Variants in PCDH7 observed in about 807,000 individuals in gnomAD.
The protein encoded by PCDH7 is protocadherin-7.
PCDH7 carries 17 observed loss-of-function variants against 58.9 expected under a neutral mutation model. The observed-to-expected ratio is 0.29, with a 90% CI of 0.20 to 0.43. PCDH7 has a LOEUF of 0.43. Among genes scored for constraint, PCDH7 ranks in the 20% least tolerant of loss-of-function variants. The probability of loss-of-function intolerance (pLI) is 1.00; values close to 1 mark genes in which losing one functional copy is unlikely to be tolerated. For synonymous variants in PCDH7, 664 were observed against 616.4 expected (o/e 1.08, Z -1.14); for missense variants, 1,274 against 1,441.0 (o/e 0.88, Z 1.88).
intron 1 of PCDH7, among the ~76,000 whole-genome samples, chr4:30,762,640 A>G (rs1024038353): frequency 6.6e-6 from 1 of 152,204 alleles, no homozygotes; most frequent in Non-Finnish European, 1.5e-5. Flanking sequence ...AGGATTTTCA[A>G]AGACCAAAGA....
At chr4:30,882,244 C>T (rs1737072350) in intron 1 of PCDH7, among the ~76,000 whole-genome samples, 1 of 151,376 alleles carries the variant, frequency 6.6e-6, no homozygotes, top group South Asian at 2.1e-4. Context: ...TCTTCTTCTT[C>T]ATCTTTGTCT....
chr4:30,996,304 G>A (rs1751895693), intron 3 of PCDH7, among the ~76,000 whole-genome samples: 1 of 151,960 alleles, frequency 6.6e-6, no homozygotes, highest in South Asian at 2.1e-4. Flanking sequence ...TTCTAACTAG[G>A]GCAAAACCCC....
chr4:30,887,883 T>C (rs199925130), intron 1 of PCDH7, among the ~76,000 whole-genome samples: 10 of 146,342 alleles, frequency 6.8e-5, no homozygotes, highest in Non-Finnish European at 4.6e-5. Flanking sequence ...TTTTTTTTTT[T>C]CTTTTTTTTG....
chr4:30,973,504 C>T (rs1460557990), intron 3 of PCDH7, among the ~76,000 whole-genome samples: 3 of 152,018 alleles, frequency 2.0e-5, no homozygotes, highest in Non-Finnish European at 4.4e-5. Context: ...TATTTACATT[C>T]GAGGAAGAAG....
chr4:31,144,782 T>C (rs147133172), downstream of PCDH7: 106 of 152,210 alleles, frequency 7.0e-4, no homozygotes, highest in African/African-American at 2.5e-3. Context: ...GTATAATAGG[T>C]AGGATGCAAA....
At chr4:30,908,598 C>T (rs1264918102) in intron 1 of PCDH7, among the ~76,000 whole-genome samples, 1 of 152,072 alleles carries the variant, frequency 6.6e-6, no homozygotes, top group Admixed American at 6.6e-5. Context: ...AAGTTGAATC[C>T]CTGAATAGAC....
At chr4:31,068,552 CA>C (rs1758282121) in intron 3 of PCDH7, among the ~76,000 whole-genome samples, 1 of 151,992 alleles carries the variant, frequency 6.6e-6, no homozygotes, top group Non-Finnish European at 1.5e-5. Context: ...TATTCTGCTG[CA>C]GAGTAAATTG....
At chr4:30,980,780 T>C (rs1480896016) in intron 3 of PCDH7, among the ~76,000 whole-genome samples, 1 of 152,192 alleles carries the variant, frequency 6.6e-6, no homozygotes, top group African/African-American at 2.4e-5. Flanking sequence ...TTAATTTCTG[T>C]GGACTAAATA....
intron 3 of PCDH7, among the ~76,000 whole-genome samples, chr4:31,043,071 G>T (rs1756011664): frequency 6.6e-6 from 1 of 151,984 alleles, no homozygotes; most frequent in African/African-American, 2.4e-5. Flanking sequence ...ATTAATTCAT[G>T]AATCCGTGAA....
downstream of PCDH7, among the ~76,000 whole-genome samples, chr4:30,736,997 C>G (rs1716396019): frequency 6.6e-6 from 1 of 152,138 alleles, no homozygotes; most frequent in South Asian, 2.1e-4. Flanking sequence ...GGAGTTACAG[C>G]TTTTGAAATT....
chr4:31,015,348 G>A (rs1255009874), intron 3 of PCDH7, among the ~76,000 whole-genome samples: 1 of 152,090 alleles, frequency 6.6e-6, no homozygotes, highest in Non-Finnish European at 1.5e-5. Flanking sequence ...TCCTTACAGA[G>A]GTGTACTGTG....
intron 3 of PCDH7, among the ~76,000 whole-genome samples, chr4:31,073,273 A>G (rs1275057191): frequency 6.6e-6 from 1 of 152,220 alleles, no homozygotes; most frequent in African/African-American, 2.4e-5. Context: ...TTTGAATGTT[A>G]GAACCATTGA....
intron 1 of PCDH7, among the ~76,000 whole-genome samples, chr4:30,785,412 A>T (rs1723266776): frequency 6.6e-6 from 1 of 151,978 alleles, no homozygotes; most frequent in Non-Finnish European, 1.5e-5. Context: ...TGCCTTGGTA[A>T]ATGTGTTTTG....
At chr4:30,916,972 T>G (rs1221522974) in intron 1 of PCDH7, among the ~76,000 whole-genome samples, 1 of 152,170 alleles carries the variant, frequency 6.6e-6, no homozygotes, top group Non-Finnish European at 1.5e-5. Context: ...GTTGAAGAAT[T>G]ATCACGTAAG....
intron 3 of PCDH7, among the ~76,000 whole-genome samples, chr4:30,965,952 A>G (rs1748958514): frequency 1.3e-5 from 2 of 152,158 alleles, no homozygotes; most frequent in African/African-American, 4.8e-5. Flanking sequence ...ATTTCTGCAG[A>G]GTGAAAATGC....
At chr4:30,929,207 G>A (rs1744257159) in intron 2 of PCDH7, among the ~76,000 whole-genome samples, 3 of 152,156 alleles carry the variant, frequency 2.0e-5, no homozygotes, top group Admixed American at 6.5e-5. Context: ...AGAGTAGATT[G>A]GATTACATTA....
chr4:30,992,507 T>G (rs1751538698), intron 3 of PCDH7, among the ~76,000 whole-genome samples: 1 of 152,166 alleles, frequency 6.6e-6, no homozygotes, highest in African/African-American at 2.4e-5. Context: ...TGATGCTTCC[T>G]CTTGAGCTTC....
chr4:30,979,290 C>G (rs1476626171), intron 3 of PCDH7, among the ~76,000 whole-genome samples: 2 of 145,846 alleles, frequency 1.4e-5, no homozygotes, highest in Non-Finnish European at 3.0e-5. Context: ...GGTGCCACTG[C>G]ACTCCAGCCT....
chr4:31,142,636 C>G lies in PCDH7; in HGVS notation c.*171C>G, dbSNP rs753041015. The G allele has an allele frequency of 8.0e-6, 11 of 1,367,710 alleles. No individual in the cohort carries two copies. In the Admixed American group the frequency reaches 1.7e-4, roughly 21 times the overall value. The allele number at this position is 1,367,710 out of a possible 1,614,324, so 84.7% of individuals were successfully genotyped here. On this transcript the variant is annotated 3_prime_UTR_variant, in exon 4 of 4. Coordinates refer to the PCDH7 transcript ENST00000509759. Reference sequence around the variant, plus strand: ...TCATGCCTGTTGATGAACGAGGAAGCCAGGAAAAGCTGGCCAATGGGGAGG... The same window carrying G: ...TCATGCCTGTTGATGAACGAGGAAGGCAGGAAAAGCTGGCCAATGGGGAGG...
Sources: gnomAD v4.1 joint callset for allele counts (sites outside exome capture counted in the v4.1 genomes callset) on GRCh38, gnomAD v4.1.1 for gene constraint, MANE v1.5 for transcripts, NCBI Gene and HGNC (gene_info 2026-07-23, HGNC 2026-07-21) for gene names.